The following CYB5R2 variants were observed in gnomAD, a reference collection of about 807,000 sequenced individuals.
The protein encoded by CYB5R2 is cytochrome b5 reductase 2, also known as NADH-cytochrome b5 reductase 2.
CYB5R2 carries 35 observed loss-of-function variants against 29.8 expected under a neutral mutation model. The ratio of observed to expected loss-of-function variants is 1.17; its 90% CI spans 0.90 to 1.56. The LOEUF is 1.56. Among genes scored for constraint, CYB5R2 ranks in the 40% most tolerant of loss-of-function variants. The pLI, the probability that CYB5R2 is intolerant of heterozygous loss-of-function variation, is 0.00. For missense variants in CYB5R2, 419 were observed against 346.7 expected, an observed-to-expected ratio of 1.21 and a Z score of -1.66; for synonymous variants, 169 against 130.6, an observed-to-expected ratio of 1.29 and a Z score of -2.01.
At chr11:7,667,411 A>G (rs1201507391) in intron 7 of CYB5R2, 1 of 189,926 alleles carries the variant, frequency 5.3e-6, no homozygotes, top group African/African-American at 2.3e-5. Context: ...AAATATTTAT[A>G]TTCTGTATTT....
chr11:7,668,660 G>A, intron 5 of CYB5R2, 99 bp from the exon 6 acceptor site: 1 of 964,152 alleles, frequency 1.0e-6, no homozygotes, highest in Non-Finnish European at 1.7e-6. Context: ...GGCACGTCCA[G>A]CTAAGGGACT....
chr11:7,673,224 G>A (rs1007049393), intron 1 of CYB5R2, 195 bp downstream of exon 1: 3 of 445,356 alleles, frequency 6.7e-6, no homozygotes, highest in South Asian at 3.1e-5. Context: ...TGAGGTGAAG[G>A]GGGAGGACAT....
Position 7,665,190 on chromosome 11 carries a change from G to A in CYB5R2, c.*184C>T, listed in dbSNP as rs888125321. 1 of 492,858 alleles carries A rather than the reference G, an allele frequency of 2.0e-6. No individual in the cohort carries two copies. 30.5% of individuals were successfully genotyped at this position (492,858 alleles called of 1,614,324 possible). A position where few individuals can be genotyped will look rare whatever the true frequency, so the allele number is the denominator to read the frequency against. On this transcript the variant is annotated 3_prime_UTR_variant, in exon 9 of 9. Transcript: ENST00000299498. The stretch of plus-strand genomic sequence containing the variant: ...CCAGCCTCCAAGCAAGGAGGCCCCA[G>A]CAGCCAGTCTCCAGCCCCTTGAGCC...
chr11:7,669,212 A>G lies in CYB5R2; in HGVS notation c.381T>C (p.His127=), dbSNP rs769272217. ...TATTAACCCCTCCAGTACCTGGCCCATGGTAAAACAAGCGTCCCCTTGGCC... is the reference window on the plus strand; with the variant it reads ...TATTAACCCCTCCAGTACCTGGCCCGTGGTAAAACAAGCGTCCCCTTGGCC... ...FRGPRGRLFY[H]GPGNLGIRPD... The change falls in exon 5 of 9, where the codon CAT becomes CAC. Residue 127 remains histidine, a synonymous_variant. Coordinates refer to ENST00000299498, the MANE Select transcript of CYB5R2 (RefSeq NM_016229.5). 3.0e-5 allele frequency: 49 copies of G among 1,613,952 alleles called. No individual in the cohort carries two copies. The highest frequency in any genetic ancestry group is 4.1e-5 in the Non-Finnish European group (48 of 1,179,984).
In CYB5R2 at chr11:7,669,635, A is replaced by G; in HGVS notation, c.248T>C (p.Leu83Pro). ...SSDDDRGFVD[L>P]IIKIYFKNVH... ...GTGGGCACTATTTACCTTTATAATT[A>G]GGTCCACAAAGCCTCTGTCATCATC... Residue 83 changes from leucine to proline, a missense_variant, in exon 4 of 9, where the codon CTA (leucine) becomes CCA (proline). Transcript: ENST00000299498. The G allele has an allele frequency of 1.3e-6, 2 of 1,598,562 alleles. No homozygotes were observed. The highest frequency in any genetic ancestry group is 8.5e-7 in the Non-Finnish European group (1 of 1,173,554).
chr11:7,669,551 C>T (rs1353262729), intron 4 of CYB5R2, 74 bp downstream of exon 4: 10 of 1,311,236 alleles, frequency 7.6e-6, no homozygotes, highest in Admixed American at 2.3e-5. Flanking sequence ...AGAGAAAAAG[C>T]ACTGCCCCTC....
intron 8 of CYB5R2, chr11:7,665,828 G>T: frequency 2.0e-6 from 3 of 1,533,166 alleles, no homozygotes; most frequent in Non-Finnish European, 1.7e-6. Context: ...GAGGTATACC[G>T]AGGTGTGTGA....
At position 7,669,676 on chromosome 11, in the gene CYB5R2, G is replaced by A. The variant is rs768262771; in HGVS notation, c.207C>T (p.Tyr69=). ...KIDNELVVRA[Y]TPVSSDDDRG... The stretch of plus-strand genomic sequence containing the variant: ...TGTCATCATCACTGGAGACAGGGGT[G>A]TAAGCCCTGACCACCAATTCATTAT... The change falls in exon 4 of 9, where the codon TAC becomes TAT. Residue 69 remains tyrosine, a synonymous_variant. Transcript: ENST00000299498. 1.2e-6 allele frequency: 2 copies of A among 1,613,608 alleles called. No homozygotes were observed. Among genetic ancestry groups the A allele is most frequent in the Admixed American group, 1.7e-5 (1 of 59,974 alleles).
At chr11:7,665,966 A>G (rs1451539487) in intron 8 of CYB5R2, 1 of 1,512,918 alleles carries the variant, frequency 6.6e-7, no homozygotes. Context: ...TACAGCCGGG[A>G]GCAGTGTGAG....
upstream of CYB5R2, chr11:7,673,912 G>T (rs1381214962): frequency 1.0e-5 from 10 of 999,160 alleles, no homozygotes; most frequent in Non-Finnish European, 1.1e-5. Flanking sequence ...CGGCTGGCCC[G>T]CTCCCCGAGA....
At chr11:7,672,620 C>T in intron 2 of CYB5R2, 97 bp from the exon 3 acceptor site, 1 of 882,928 alleles carries the variant, frequency 1.1e-6, no homozygotes, top group Non-Finnish European at 1.6e-6. Flanking sequence ...GGCGCTATTC[C>T]AGCACACACA....
At chr11:7,672,311 T>C (rs1855795121) in intron 3 of CYB5R2, 140 bp downstream of exon 3, 5 of 672,908 alleles carry the variant, frequency 7.4e-6, no homozygotes, top group African/African-American at 1.8e-5. Context: ...CCCCTATCTA[T>C]CTCCCTGAGC....
At position 7,665,108 on chromosome 11, in the gene CYB5R2, T is replaced by G; in HGVS notation, c.*266A>C. On this transcript the variant is annotated 3_prime_UTR_variant, in exon 9 of 9. Coordinates refer to ENST00000299498, the MANE Select transcript of CYB5R2 (RefSeq NM_016229.5). Reference sequence around the variant, plus strand: ...AGCCACACTTCATGGGCTGTCTGCTTTGTACTTGAGTTTATTTCACAAAAC... The same window carrying G: ...AGCCACACTTCATGGGCTGTCTGCTGTGTACTTGAGTTTATTTCACAAAAC... 2 of 303,642 alleles carry G rather than the reference T, an allele frequency of 6.6e-6. No individual in the cohort carries two copies. The highest frequency in any genetic ancestry group is 6.0e-5 in the South Asian group (1 of 16,614). The allele number at this position is 303,642 out of a possible 1,614,324, so 18.8% of individuals were successfully genotyped here.
Position 7,669,725 on chromosome 11 carries a change from T to A in CYB5R2, c.158A>T (p.Tyr53Phe). ...ATCGATTTTTGCCAAGAGCTGGACA[T>A]AGTTACCTATAGAAAAGGCATCAAG... ...DHVLGLPVGN[Y>F]VQLLAKIDNE... Residue 53 changes from tyrosine to phenylalanine, a missense_variant, in exon 4 of 9, where the codon TAT becomes TTT. Coordinates refer to ENST00000299498, the MANE Select transcript of CYB5R2 (RefSeq NM_016229.5). The A allele has an allele frequency of 6.2e-7, 1 of 1,612,432 alleles. No individual in the cohort carries two copies. Among genetic ancestry groups the A allele is most frequent in the African/African-American group, 1.3e-5 (1 of 75,006 alleles).
At chr11:7,665,894 T>G (rs1185462216) in intron 8 of CYB5R2, 1 of 1,536,154 alleles carries the variant, frequency 6.5e-7, no homozygotes. Context: ...TTAGTGGAAC[T>G]GCGCAGAATT....
At position 7,665,555 on chromosome 11, in the gene CYB5R2, A is replaced by C; in HGVS notation, c.659-9T>G. On this transcript the variant is annotated splice_polypyrimidine_tract_variant and intron_variant, in intron 8 of 8. Coordinates refer to ENST00000299498, the MANE Select transcript of CYB5R2 (RefSeq NM_016229.5). ...TGAGCTGTACTTCCAGCCTGAAATG[A>C]AGGAGATGCAGGAGCAAGCTGAGCG... 6.3e-7 allele frequency: 1 copy of C among 1,594,932 alleles called. No homozygotes were observed. The highest frequency in any genetic ancestry group is 8.5e-7 in the Non-Finnish European group (1 of 1,171,998).
chr11:7,673,789 A>T (rs1855912047), upstream of CYB5R2: 1 of 986,858 alleles, frequency 1.0e-6, no homozygotes, highest in African/African-American at 1.7e-5. Flanking sequence ...GGGCCCGCAG[A>T]CTCGTGGCGT....
chr11:7,672,932 C>A, intron 1 of CYB5R2, 41 bp from the exon 2 acceptor site: 1 of 1,576,794 alleles, frequency 6.3e-7, no homozygotes, highest in Non-Finnish European at 8.6e-7. Context: ...AGGTCTTGCC[C>A]GCCCTGGACA....
chr11:7,673,055 G>T, intron 1 of CYB5R2, 164 bp from the exon 2 acceptor site: 1 of 664,648 alleles, frequency 1.5e-6, no homozygotes, highest in Admixed American at 2.6e-5. Context: ...GGCTGGGAGA[G>T]CCTGTCGTGG....
Sources: allele counts gnomAD v4.1 joint callset, GRCh38; gene constraint gnomAD v4.1.1; transcripts MANE v1.5; gene names NCBI Gene and HGNC (gene_info 2026-07-23, HGNC 2026-07-21).